The following SSX5 variants were observed in gnomAD, a reference collection of about 807,000 sequenced individuals.
SSX5 encodes SSX family member 5.
Under a neutral mutation model 14.9 loss-of-function variants are expected in SSX5, and 14 were observed. The observed-to-expected ratio is 0.94, with a 90% confidence interval of 0.62 to 1.47. The LOEUF (loss-of-function observed/expected upper bound fraction) is 1.47. Among genes scored for constraint, SSX5 ranks in the 40% most tolerant of loss-of-function variants. The pLI is 0.00. For missense variants in SSX5, 204 were observed against 154.6 expected (o/e 1.32, Z -1.70); for synonymous variants, 70 against 55.4 (o/e 1.26, Z -1.17).
chrX:48,187,847 T>G, intron 6 of SSX5, 116 bp from the exon 7 acceptor site: 1 of 925,363 alleles, frequency 1.1e-6, no homozygotes, highest in African/African-American at 2.0e-5. Context: ...CACCACCAAG[T>G]GCCCATGGGT....
In SSX5 at chrX:48,190,261, G is replaced by C; in HGVS notation, c.338C>G (p.Pro113Arg). Residue 113 changes from proline (P) to arginine (R), a missense_variant, in exon 6 of 8, where the codon CCC becomes CGC. Pro to Arg is a moderately radical substitution (Grantham distance 103). Coordinates refer to ENST00000347757, the MANE Select transcript of SSX5 (RefSeq NM_175723.2). ...ATTTCCTTCCTCTGCTGGCTTCTCGGGCGTGATCTTTATAATGTGAAGGTC... is the reference window on the plus strand; with the variant it reads ...ATTTCCTTCCTCTGCTGGCTTCTCGCGCGTGATCTTTATAATGTGAAGGTC... ...RLQGIFPKIT[P>R]EKPAEEGNDS... 2.3e-5 allele frequency: 28 copies of C among 1,198,979 alleles called. No individual in the cohort carries two copies. The highest frequency in any genetic ancestry group is 3.1e-5 in the Non-Finnish European group (28 of 890,472).
intron 1 of SSX5, among the ~76,000 whole-genome samples, 167 bp from the exon 2 acceptor site, chrX:48,195,545 A>G (rs1205717111): frequency 5.4e-5 from 6 of 111,820 alleles, no homozygotes; most frequent in African/African-American, 2.0e-4. Context: ...GTCAGATGAA[A>G]ACAGGGAGCC....
At chrX:48,190,861 A>C (rs188006165) in intron 5 of SSX5, among the ~76,000 whole-genome samples, 6 of 111,266 alleles carry the variant, frequency 5.4e-5, no homozygotes, top group African/African-American at 9.8e-5. Context: ...GGTACCCATA[A>C]CAATTCTGGT....
intron 2 of SSX5, 196 bp downstream of exon 2, chrX:48,195,094 A>T: frequency 8.3e-7 from 1 of 1,211,455 alleles, no homozygotes; most frequent in Non-Finnish European, 1.1e-6. Context: ...GATTCACCAA[A>T]TGTATTCCAC....
At chrX:48,195,913 A>G (rs1601923761) in intron 1 of SSX5, among the ~76,000 whole-genome samples, 1 of 111,129 alleles carries the variant, frequency 9.0e-6, no homozygotes. Flanking sequence ...GTGATTTGTA[A>G]ATTATTAGAA....
intron 5 of SSX5, 145 bp from the exon 6 acceptor site, chrX:48,190,413 C>T: frequency 3.9e-6 from 3 of 764,296 alleles, no homozygotes; most frequent in Non-Finnish European, 5.4e-6. Context: ...TTAGGAGAAA[C>T]CTGGGAGGGG....
At position 48,186,501 on chromosome X, in the gene SSX5, T is replaced by C; in HGVS notation, c.*360A>G. 2.8e-6 allele frequency: 1 copy of C among 363,069 alleles called. No homozygotes were observed. Among genetic ancestry groups the C allele is most frequent in the Admixed American group, 4.7e-5 (1 of 21,361 alleles). The allele number at this position is 363,069 out of a possible 1,213,427, so 29.9% of individuals were successfully genotyped here. ...ATTAAACACTCAGAACTGCCCTCAG[T>C]GGTCACATCTGGGAAGAGAGGAGGG... On this transcript the variant is annotated 3_prime_UTR_variant, in exon 8 of 8. Transcript: ENST00000347757.
chrX:48,194,462 T>G (rs1374003741), intron 3 of SSX5, among the ~76,000 whole-genome samples: 14 of 105,987 alleles, frequency 1.3e-4, no homozygotes, highest in Non-Finnish European at 2.5e-4. Flanking sequence ...GTAGGGACGA[T>G]GGGGGGGTGC....
chrX:48,191,247 A>G (rs1556924712), intron 5 of SSX5, among the ~76,000 whole-genome samples: 1 of 111,640 alleles, frequency 9.0e-6, no homozygotes, highest in East Asian at 2.8e-4. Context: ...GAAATAGTGA[A>G]CAATACATGT....
intron 4 of SSX5, among the ~76,000 whole-genome samples, chrX:48,193,543 G>A (rs1556925193): frequency 9.0e-6 from 1 of 110,844 alleles, no homozygotes; most frequent in Non-Finnish European, 1.9e-5. Flanking sequence ...AGGTCAGGAA[G>A]TTTGAGACCA....
chrX:48,187,237 C>T (rs782272639), intron 7 of SSX5, among the ~76,000 whole-genome samples: 4 of 110,927 alleles, frequency 3.6e-5, no homozygotes, highest in Non-Finnish European at 5.7e-5. Context: ...AGATGGATCA[C>T]GAGGTCAGGA....
At position 48,190,226 on chromosome X, in the gene SSX5, C is replaced by T. The variant is rs782331367; in HGVS notation, c.373G>A (p.Gly125Arg). ...TGTGGGCCAGATGCTTCTGGCACTC[C>T]CTTCGAATCATTTCCTTCCTCTGCT... ...KPAEEGNDSK[G>R]VPEASGPQNN... Residue 125 changes from glycine to arginine, a missense_variant, in exon 6 of 8, where the codon GGA (glycine) becomes AGA (arginine). Transcript: ENST00000347757. The T allele has an allele frequency of 1.3e-5, 16 of 1,205,290 alleles. No homozygotes were observed. In the South Asian group the frequency reaches 2.9e-4, roughly 22 times the overall value.
chrX:48,194,318 G>A, intron 3 of SSX5, 94 bp from the exon 4 acceptor site: 1 of 969,304 alleles, frequency 1.0e-6, no homozygotes, highest in South Asian at 2.0e-5. Context: ...GGAGGCTGAA[G>A]CTGGAGGATT....
intron 4 of SSX5, among the ~76,000 whole-genome samples, chrX:48,193,809 C>A (rs1309419872): frequency 3.6e-5 from 4 of 109,791 alleles, no homozygotes; most frequent in African/African-American, 1.3e-4. Flanking sequence ...GTCTGTGCCG[C>A]ACTCAGCAAT....
Position 48,194,752 on chromosome X carries a change from T to C in SSX5, c.172A>G (p.Met58Val), listed in dbSNP as rs1205462118. ...YVYMKRKYEA[M>V]TKLGFKATLP... is the part of the protein sequence containing the mutation. The stretch of plus-strand genomic sequence containing the variant: ...AACTTTCTGTTACCTAGTTTAGTCA[T>C]GGCCTCATACTTTCTCTTCATATAC... Residue 58 changes from methionine to valine, a missense_variant, in exon 3 of 8, where the codon ATG becomes GTG. Physicochemically the swap from Met to Val is conservative, Grantham distance 21 (BLOSUM62 1). Transcript: ENST00000347757. The C allele has an allele frequency of 2.5e-6, 3 of 1,206,718 alleles. No individual in the cohort carries two copies. Among genetic ancestry groups the C allele is most frequent in the Non-Finnish European group, 3.4e-6 (3 of 892,947 alleles).
rs782514769 is a variant in SSX5, at chrX:48,190,277, T to C, written c.331-9A>G. The C allele has an allele frequency of 4.2e-6, 5 of 1,193,881 alleles. No homozygotes were observed. In the East Asian group the frequency reaches 1.2e-4, roughly 28 times the overall value. On this transcript the variant is annotated splice_polypyrimidine_tract_variant and intron_variant, in intron 5 of 7. Coordinates refer to ENST00000347757, the MANE Select transcript of SSX5 (RefSeq NM_175723.2). Reference sequence around the variant, plus strand: ...GGCTTCTCGGGCGTGATCTTTATAATGTGAAGGTCACAGATAAACAGTATC... The same window carrying C: ...GGCTTCTCGGGCGTGATCTTTATAACGTGAAGGTCACAGATAAACAGTATC...
intron 4 of SSX5, among the ~76,000 whole-genome samples, chrX:48,193,335 T>G (rs782355177): frequency 9.0e-6 from 1 of 111,286 alleles, no homozygotes; most frequent in South Asian, 3.8e-4. Context: ...AACATGTCGT[T>G]TAAAAAAGAA....
intron 7 of SSX5, 132 bp downstream of exon 7, chrX:48,187,495 G>C: frequency 1.2e-6 from 1 of 838,741 alleles, no homozygotes; most frequent in Non-Finnish European, 1.7e-6. Flanking sequence ...TCATCATTCA[G>C]CCTCAATGCT....
chrX:48,189,210 A>G lies in SSX5; in HGVS notation c.466+923T>C, dbSNP rs1432690438. Among the ~76,000 whole-genome samples the G allele has an allele frequency of 2.7e-5, 3 of 112,377 alleles. No individual in the cohort carries two copies. The Admixed American group carries it at 2.8e-4, about 11-fold the overall frequency. On this transcript the variant is annotated intron_variant, in intron 6 of 7. Coordinates refer to ENST00000347757, the MANE Select transcript of SSX5 (RefSeq NM_175723.2). ...ACTGATGAAGGTGGCTACACTAAAC[A>G]ACAGATTTTCAATGTAGATAAAATA...
Sources: gnomAD v4.1 joint callset for allele counts (sites outside exome capture counted in the v4.1 genomes callset) on GRCh38, gnomAD v4.1.1 for gene constraint, MANE v1.5 for transcripts, NCBI Gene and HGNC (gene_info 2026-07-23, HGNC 2026-07-21) for gene names.